Variants in TSEN54 observed in about 807,000 individuals in gnomAD.
TSEN54 encodes tRNA splicing endonuclease subunit 54.
In TSEN54, 55 loss-of-function variants were observed where a neutral mutation model predicts 61.9. The ratio of observed to expected loss-of-function variants is 0.89; its 90% CI spans 0.72 to 1.11. The LOEUF is 1.11. Among genes scored for constraint, TSEN54 ranks in the 50% most tolerant of loss-of-function variants. TSEN54 has a pLI of 0.00. For synonymous variants in TSEN54, 304 were observed against 288.7 expected (o/e 1.05, Z -0.54); for missense variants, 760 against 687.7 (o/e 1.11, Z -1.18).
chr17:75,518,169 T>G (rs914216348), intron 5 of TSEN54, among the ~76,000 whole-genome samples: 2 of 152,138 alleles, frequency 1.3e-5, no homozygotes, highest in African/African-American at 4.8e-5. Flanking sequence ...TAAGTTAATT[T>G]TGAGGAGCTT....
Position 75,519,032 on chromosome 17 carries a change from G to C in TSEN54, c.506G>C (p.Arg169Pro). 6.2e-7 allele frequency: 1 copy of C among 1,613,630 alleles called. No individual in the cohort carries two copies. The highest frequency in any genetic ancestry group is 1.1e-5 in the South Asian group (1 of 91,048). ...CTGAAGAGGTTGGGTTATGTGGTTC[G>C]ACGATTCCAACCAAGGTAAATCCCC... ...SHLKRLGYVV[R>P]RFQPSSVLSP... Residue 169 changes from arginine (R) to proline (P), a missense_variant, in exon 6 of 11, where the codon CGA becomes CCA. This residue lies in a region of TSEN54 where 667 missense variants were observed against 577.8 expected (regional missense o/e 1.15). Transcript: ENST00000333213.
In TSEN54 at chr17:75,519,036, A is replaced by T. The variant is rs1484774440; in HGVS notation, c.510A>T (p.Arg170=). 7 of 1,613,570 alleles carry T rather than the reference A, an allele frequency of 4.3e-6. No individual in the cohort carries two copies. The highest frequency in any genetic ancestry group is 1.7e-5 in the Admixed American group (1 of 59,940). The change falls in exon 6 of 11, where the codon CGA becomes CGT. Residue 170 remains arginine, a synonymous_variant. Transcript: ENST00000333213. ...AGAGGTTGGGTTATGTGGTTCGACG[A>T]TTCCAACCAAGGTAAATCCCCTTCC... ...HLKRLGYVVR[R]FQPSSVLSPY...
intron 3 of TSEN54, 26 bp downstream of exon 3, chr17:75,517,098 G>C: frequency 6.3e-7 from 1 of 1,576,652 alleles, no homozygotes; most frequent in Non-Finnish European, 8.6e-7. Context: ...GGGGACCGGG[G>C]ACCGCCCTCC....
rs746810397 is a variant in TSEN54 at position 75,518,992 on chromosome 17, G to C, written c.469-3G>C. The C allele has an allele frequency of 6.2e-7, 1 of 1,605,122 alleles. No homozygotes were observed. Among genetic ancestry groups the C allele is most frequent in the South Asian group, 1.1e-5 (1 of 89,946 alleles). On this transcript the variant is annotated splice_polypyrimidine_tract_variant and splice_region_variant and intron_variant, in intron 5 of 10. Transcript: ENST00000333213. ...AGCTTTCATTTTTTTTTTTTCTTTT[G>C]AGGTCTTCAGCCACCTGAAGAGGTT...
rs921959235 is a variant in TSEN54 at position 75,524,718 on chromosome 17, A to T, written c.*306A>T. ...TTCGTGCTATAAAGCCAAAGCCATTAAAAATAGATTTCTTTTCTGCTGTTT... is the reference window on the plus strand; with the variant it reads ...TTCGTGCTATAAAGCCAAAGCCATTTAAAATAGATTTCTTTTCTGCTGTTT... On this transcript the variant is annotated 3_prime_UTR_variant, in exon 11 of 11. Coordinates refer to ENST00000333213, the MANE Select transcript of TSEN54 (RefSeq NM_207346.3). The T allele has an allele frequency of 2.1e-6, 1 of 465,968 alleles. No homozygotes were observed. The highest frequency in any genetic ancestry group is 2.0e-5 in the African/African-American group (1 of 50,544). The allele number at this position is 465,968 out of a possible 1,614,324, so 28.9% of individuals were successfully genotyped here.
At position 75,524,483 on chromosome 17, in the gene TSEN54, G is replaced by C; in HGVS notation, c.*71G>C. On this transcript the variant is annotated 3_prime_UTR_variant, in exon 11 of 11. Coordinates refer to ENST00000333213, the MANE Select transcript of TSEN54 (RefSeq NM_207346.3). ...CTGTCTGTTCTCAGGGACCATCTCG[G>C]CTGCCTCCTGTACCCAGACTCTAAC... The C allele has an allele frequency of 6.3e-7, 1 of 1,592,014 alleles. No homozygotes were observed.
chr17:75,522,891 T>C, intron 8 of TSEN54: 1 of 286,878 alleles, frequency 3.5e-6, no homozygotes, highest in East Asian at 8.7e-5. Context: ...AAAAAAAAAA[T>C]GTTGCTAGGC....
rs1354682639 is a variant in TSEN54, at chr17:75,522,050, C to T, written c.969C>T (p.Leu323=). ...TGCGCGCCCCAGCCCCAGAGCTGCT[C>T]CCGGCCAACGTGGCTGGGCGGGAGA... The part of the protein sequence containing the change: ...TLLRAPAPEL[L]PANVAGRETD... Residue 323 remains leucine, a synonymous_variant, in exon 8 of 11, where the codon CTC becomes CTT. Transcript: ENST00000333213. 1.3e-6 allele frequency: 2 copies of T among 1,589,588 alleles called. No homozygotes were observed. Among genetic ancestry groups the T allele is most frequent in the Non-Finnish European group, 8.6e-7 (1 of 1,168,494 alleles).
At chr17:75,517,768 C>G in intron 5 of TSEN54, 113 bp downstream of exon 5, 1 of 933,056 alleles carries the variant, frequency 1.1e-6, no homozygotes, top group Non-Finnish European at 1.7e-6. Context: ...GCAGGGCAGA[C>G]GAGGGCTATG....
chr17:75,524,130 G>A, intron 10 of TSEN54, 132 bp from the exon 11 acceptor site: 1 of 1,332,100 alleles, frequency 7.5e-7, no homozygotes, highest in Non-Finnish European at 1.1e-6. Flanking sequence ...TCAGAGCCCT[G>A]TGTTTTGGAG....
chr17:75,524,430 G>A lies in TSEN54; in HGVS notation c.*18G>A, dbSNP rs1318417032. On this transcript the variant is annotated 3_prime_UTR_variant, in exon 11 of 11. Transcript: ENST00000333213. The stretch of plus-strand genomic sequence containing the variant: ...GGCACTGACCTCACAGCTCTGCAGA[G>A]GATGGAGCTTGCTCCGGGGGACCGG... 2.5e-6 allele frequency: 4 copies of A among 1,613,844 alleles called. No homozygotes were observed. The African/African-American group carries it at 4.0e-5, about 16-fold the overall frequency.
chr17:75,518,037 C>G (rs1022932519), intron 5 of TSEN54, among the ~76,000 whole-genome samples: 1 of 152,174 alleles, frequency 6.6e-6, no homozygotes, highest in African/African-American at 2.4e-5. Context: ...GAGAAGAACC[C>G]AGGATTACCG....
chr17:75,521,420 C>A lies in TSEN54; in HGVS notation c.533C>A (p.Ser178Tyr), dbSNP rs2053425874. 3 of 1,614,070 alleles carry A rather than the reference C, an allele frequency of 1.9e-6. No individual in the cohort carries two copies. Among genetic ancestry groups the A allele is most frequent in the Non-Finnish European group, 2.5e-6 (3 of 1,179,988 alleles). Residue 178 changes from serine to tyrosine, a missense_variant, in exon 7 of 11, where the codon TCC becomes TAC. Coordinates refer to ENST00000333213, the MANE Select transcript of TSEN54 (RefSeq NM_207346.3). ...TTCTCACCCCACAGCTCTGTCCTGTCCCCGTATGAGAGGCAGCTTAACCTG... is the reference window on the plus strand; with the variant it reads ...TTCTCACCCCACAGCTCTGTCCTGTACCCGTATGAGAGGCAGCTTAACCTG... ...VRRFQPSSVL[S>Y]PYERQLNLDA...
intron 6 of TSEN54, among the ~76,000 whole-genome samples, chr17:75,520,389 G>A (rs1207585362): frequency 6.7e-6 from 1 of 148,936 alleles, no homozygotes; most frequent in Non-Finnish European, 1.5e-5. Flanking sequence ...GGACAGCGTG[G>A]TGAAACCCTG....
intron 9 of TSEN54, 158 bp from the exon 10 acceptor site, chr17:75,523,505 G>A: frequency 6.3e-7 from 1 of 1,599,018 alleles, no homozygotes; most frequent in Non-Finnish European, 8.5e-7. Context: ...GGAAGAGGGA[G>A]AATAACCAGT....
chr17:75,522,152 G>C lies in TSEN54; in HGVS notation c.1071G>C (p.Ala357=), dbSNP rs371212469. ...KLSRREREHH[A]EAAQFQEDVN... is the part of the protein sequence containing the mutation. ...CCAGGCGGGAACGGGAGCACCACGC[G>C]GAGGCCGCGCAGTTCCAGGAAGATG... is the stretch of plus-strand genomic sequence containing the variant. Residue 357 remains alanine, a synonymous_variant, in exon 8 of 11, where the codon GCG becomes GCC. Transcript: ENST00000333213. 2 of 1,557,442 alleles carry C rather than the reference G, an allele frequency of 1.3e-6. No individual in the cohort carries two copies. The highest frequency in any genetic ancestry group is 1.7e-6 in the Non-Finnish European group (2 of 1,149,336).
chr17:75,520,761 C>T (rs2147011618), intron 6 of TSEN54, among the ~76,000 whole-genome samples: 1 of 151,948 alleles, frequency 6.6e-6, no homozygotes, highest in South Asian at 2.1e-4. Flanking sequence ...GGAGACCATC[C>T]CGGCCAGCAT....
chr17:75,521,533 C>G, intron 7 of TSEN54, 23 bp downstream of exon 7: 1 of 1,609,318 alleles, frequency 6.2e-7, no homozygotes, highest in Non-Finnish European at 8.5e-7. Flanking sequence ...TCACGGTGGC[C>G]CCCCAGGGAG....
intron 6 of TSEN54, among the ~76,000 whole-genome samples, chr17:75,520,420 A>AG (rs1042248364): frequency 6.8e-6 from 1 of 146,066 alleles, no homozygotes; most frequent in Admixed American, 6.8e-5. Context: ...AATACCAAAA[A>AG]AAAAAAAAAA....
Sources: gnomAD v4.1 joint callset for allele counts (sites outside exome capture counted in the v4.1 genomes callset) on GRCh38, gnomAD v4.1.1 for gene constraint, gnomAD v4.1.1 regional missense constraint, MANE v1.5 for transcripts, NCBI Gene and HGNC (gene_info 2026-07-23, HGNC 2026-07-21) for gene names.